OBI1: variants seen among roughly 807,000 people sequenced by gnomAD.
The protein encoded by OBI1 is ring finger protein 219.
OBI1 carries 59 observed loss-of-function variants against 62.4 expected under a neutral mutation model. That is an observed-to-expected ratio of 0.95 (90% confidence interval 0.77 to 1.17). OBI1 has a LOEUF of 1.17. Among genes scored for constraint, OBI1 ranks in the 50% most tolerant of loss-of-function variants. The probability of loss-of-function intolerance (pLI) is 0.00; values close to 1 mark genes in which losing one functional copy is unlikely to be tolerated. For missense variants in OBI1, 875 were observed against 830.9 expected, an observed-to-expected ratio of 1.05 and a Z score of -0.65; for synonymous variants, 302 against 292.8, an observed-to-expected ratio of 1.03 and a Z score of -0.32.
At chr13:78,641,290 T>C (rs909570714) in intron 3 of OBI1, among the ~76,000 whole-genome samples, 1 of 152,204 alleles carries the variant, frequency 6.6e-6, no homozygotes, top group Non-Finnish European at 1.5e-5. Flanking sequence ...TTAAATAGCA[T>C]TTTCATAAAA....
In OBI1 at chr13:78,659,071, G is replaced by C; in HGVS notation, c.50C>G (p.Thr17Arg). The change falls in exon 1 of 6, where the codon ACG (threonine) becomes AGG (arginine). Residue 17 changes from threonine to arginine, a missense_variant. By Grantham distance (71) the Thr-to-Arg change is moderately conservative. Transcript: ENST00000282003. The stretch of plus-strand genomic sequence containing the variant: ...TACCTTCCCCAAGCAAATGTGGCAC[G>C]TGATGGGCAGAGTGAGCGACAATGT... ...NVTLSLTLPI[T>R]CHICLGKVRQ... The C allele has an allele frequency of 3.7e-6, 6 of 1,612,962 alleles. No individual in the cohort carries two copies. The highest frequency in any genetic ancestry group is 5.1e-6 in the Non-Finnish European group (6 of 1,179,694).
chr13:78,642,290 T>C, intron 2 of OBI1, 77 bp from the exon 3 acceptor site: 1 of 902,454 alleles, frequency 1.1e-6, no homozygotes, highest in Non-Finnish European at 1.8e-6. Context: ...TTCATATTGT[T>C]TTATATAGCT....
chr13:78,651,112 A>G (rs1876531048), intron 1 of OBI1, among the ~76,000 whole-genome samples: 1 of 152,206 alleles, frequency 6.6e-6, no homozygotes, highest in Non-Finnish European at 1.5e-5. Flanking sequence ...AATTTGAAAA[A>G]AAATGTACAT....
At chr13:78,629,614 A>C in intron 5 of OBI1, among the ~76,000 whole-genome samples, 1 of 152,176 alleles carries the variant, frequency 6.6e-6, no homozygotes, top group Admixed American at 6.5e-5. Flanking sequence ...ACCAAGGATA[A>C]GTATATCCAC....
chr13:78,638,771 AG>A, intron 4 of OBI1, 51 bp downstream of exon 4: 1 of 1,492,742 alleles, frequency 6.7e-7, no homozygotes, highest in Non-Finnish European at 9.1e-7. Flanking sequence ...ATGCTTTTGA[AG>A]GTACTTATTT....
chr13:78,628,270 G>A (rs1342474009), intron 5 of OBI1, among the ~76,000 whole-genome samples: 1 of 152,226 alleles, frequency 6.6e-6, no homozygotes, highest in Non-Finnish European at 1.5e-5. Context: ...CACAGAGCTA[G>A]TAAGTAGGCA....
intron 1 of OBI1, among the ~76,000 whole-genome samples, chr13:78,646,324 T>C (rs993778417): frequency 5.9e-5 from 9 of 152,196 alleles, no homozygotes; most frequent in African/African-American, 2.2e-4. Context: ...GCCTAGAAGA[T>C]AGCTTGGTAC....
chr13:78,632,780 A>G (rs930597201), intron 5 of OBI1, among the ~76,000 whole-genome samples: 1 of 152,196 alleles, frequency 6.6e-6, no homozygotes, highest in Non-Finnish European at 1.5e-5. Context: ...TATAAATCAA[A>G]TGCAATGCAT....
At chr13:78,617,201 G>T in intron 5 of OBI1, 79 bp from the exon 6 acceptor site, 1 of 1,133,294 alleles carries the variant, frequency 8.8e-7, no homozygotes, top group South Asian at 1.7e-5. Context: ...AACTGTCCCA[G>T]GCTATTCTAA....
At chr13:78,621,048 T>C (rs1444445988) in intron 5 of OBI1, among the ~76,000 whole-genome samples, 2 of 152,214 alleles carry the variant, frequency 1.3e-5, no homozygotes, top group Non-Finnish European at 2.9e-5. Context: ...GTCAGTCCAC[T>C]TGCCTCATCA....
At chr13:78,630,582 T>C (rs1305589361) in intron 5 of OBI1, among the ~76,000 whole-genome samples, 2 of 152,122 alleles carry the variant, frequency 1.3e-5, no homozygotes, top group Admixed American at 6.5e-5. Context: ...TAAGGGCTTC[T>C]GGGGCCTATA....
rs1211671554 is a variant in OBI1, at chr13:78,615,816, C to CT, written c.1944dup (p.Glu649ArgfsTer16). ...CTTAACAAAATGCCCTGGGAAAACT[C>CT]TGTCTGAAACAAGCAGCTTGGGGGT... On this transcript the variant is annotated frameshift_variant, in exon 6 of 6. Coordinates refer to ENST00000282003, the MANE Select transcript of OBI1 (RefSeq NM_024546.4). LOFTEE classifies it high-confidence loss of function. 1 of 1,613,844 alleles carries CT rather than the reference C, an allele frequency of 6.2e-7. No individual in the cohort carries two copies.
chr13:78,634,562 G>T (rs1875963532), intron 5 of OBI1, among the ~76,000 whole-genome samples: 1 of 152,122 alleles, frequency 6.6e-6, no homozygotes, highest in Non-Finnish European at 1.5e-5. Context: ...CTCCCAAAGT[G>T]CTGGGATTAC....
At chr13:78,637,675 A>C (rs1294191276) in intron 4 of OBI1, among the ~76,000 whole-genome samples, 2 of 152,232 alleles carry the variant, frequency 1.3e-5, no homozygotes. Context: ...GTCTTCTAAC[A>C]AATCAAGGTA....
At chr13:78,623,377 A>G (rs1875571255) in intron 5 of OBI1, among the ~76,000 whole-genome samples, 2 of 152,096 alleles carry the variant, frequency 1.3e-5, no homozygotes, top group Admixed American at 1.3e-4. Flanking sequence ...GACAATGATG[A>G]TGACAAAAAG....
At chr13:78,635,465 T>A (rs1875997489) in intron 4 of OBI1, among the ~76,000 whole-genome samples, 1 of 152,186 alleles carries the variant, frequency 6.6e-6, no homozygotes, top group Admixed American at 6.5e-5. Flanking sequence ...TTAGAGTCAT[T>A]AAGGGACCAT....
chr13:78,639,198 T>TTA, intron 3 of OBI1, 127 bp from the exon 4 acceptor site: 1 of 916,924 alleles, frequency 1.1e-6, no homozygotes, highest in South Asian at 2.3e-5. Context: ...ATTCTTTACA[T>TTA]ATCAAAAGAG....
chr13:78,646,815 A>G (rs1305994294), intron 1 of OBI1, among the ~76,000 whole-genome samples: 1 of 152,208 alleles, frequency 6.6e-6, no homozygotes, highest in East Asian at 1.9e-4. Context: ...AGGGAAAAGA[A>G]AGAGAGATCA....
chr13:78,630,775 G>T (rs903819782), intron 5 of OBI1, among the ~76,000 whole-genome samples: 3 of 152,152 alleles, frequency 2.0e-5, no homozygotes, highest in African/African-American at 7.2e-5. Flanking sequence ...CTCCAGAACT[G>T]TAAGAAATAA....
Sources: allele counts gnomAD v4.1 joint callset (sites outside exome capture counted in the v4.1 genomes callset), GRCh38; gene constraint gnomAD v4.1.1; transcripts MANE v1.5; gene names NCBI Gene and HGNC (gene_info 2026-07-23, HGNC 2026-07-21).